TMEM163: variants seen among roughly 807,000 people sequenced by gnomAD.
The protein encoded by TMEM163 is transmembrane protein 163.
In TMEM163, 17 loss-of-function variants were observed where a neutral mutation model predicts 29.3. The ratio of observed to expected loss-of-function variants is 0.58; its 90% CI spans 0.40 to 0.87. The LOEUF is 0.87. TMEM163 is among the 40% of genes least tolerant of loss of function. TMEM163 has a pLI of 0.00. For missense variants in TMEM163, 303 were observed against 381.5 expected (o/e 0.79, Z 1.71); for synonymous variants, 157 against 160.6 (o/e 0.98, Z 0.17).
At chr2:134,505,025 A>G (rs539286825) in intron 4 of TMEM163, among the ~76,000 whole-genome samples, 22 of 152,236 alleles carry the variant, frequency 1.4e-4, no homozygotes, top group Admixed American at 1.2e-3. Context: ...CCTCCCTATG[A>G]GCACATGTGC....
chr2:134,669,522 A>G (rs1403844651), intron 2 of TMEM163, among the ~76,000 whole-genome samples: 1 of 152,222 alleles, frequency 6.6e-6, no homozygotes, highest in African/African-American at 2.4e-5. Flanking sequence ...CCTGGGGCGC[A>G]GCAGATTGTT....
At chr2:134,521,181 T>G (rs1680182273) in intron 4 of TMEM163, among the ~76,000 whole-genome samples, 1 of 152,144 alleles carries the variant, frequency 6.6e-6, no homozygotes, top group African/African-American at 2.4e-5. Flanking sequence ...GTATCTTTAG[T>G]AGAGATGGGG....
At chr2:134,632,256 C>T (rs1682984480) in intron 2 of TMEM163, among the ~76,000 whole-genome samples, 1 of 152,170 alleles carries the variant, frequency 6.6e-6, no homozygotes, top group Non-Finnish European at 1.5e-5. Flanking sequence ...CAAGAAAAAC[C>T]AGAGGCCATA....
At chr2:134,596,060 G>A (rs540390409) in intron 2 of TMEM163, among the ~76,000 whole-genome samples, 27 of 152,268 alleles carry the variant, frequency 1.8e-4, no homozygotes, top group South Asian at 8.3e-4. Flanking sequence ...CATTCTGTAG[G>A]TTGCCGGTTC....
At chr2:134,618,674 T>C (rs1021850569) in intron 2 of TMEM163, among the ~76,000 whole-genome samples, 2 of 151,946 alleles carry the variant, frequency 1.3e-5, no homozygotes, top group African/African-American at 4.8e-5. Context: ...AAGTCTCTTC[T>C]AACTACAAAA....
chr2:134,476,026 G>GT (rs1051808353), intron 5 of TMEM163, among the ~76,000 whole-genome samples: 27 of 152,306 alleles, frequency 1.8e-4, no homozygotes, highest in African/African-American at 5.5e-4. Flanking sequence ...GCACACCAGT[G>GT]TTCTCAGCTG....
intron 4 of TMEM163, among the ~76,000 whole-genome samples, chr2:134,530,243 G>GA (rs1016204226): frequency 1.3e-5 from 2 of 151,876 alleles, no homozygotes; most frequent in African/African-American, 2.4e-5. Context: ...GGCAGTTAGA[G>GA]AAAAAAAATG....
rs756614844 is a variant in TMEM163 at position 134,458,021 on chromosome 2, C to G, written c.809+11G>C. 1.1e-5 allele frequency: 17 copies of G among 1,613,986 alleles called. No homozygotes were observed. The Admixed American group carries it at 2.3e-4, about 22-fold the overall frequency. ...TGCCAGGAAAGCAAACAGGAAAGCA[C>G]AAGAACCTACTTGACCCCATAGGCA... On this transcript the variant is annotated intron_variant, in intron 7 of 7. Coordinates refer to ENST00000281924, the MANE Select transcript of TMEM163 (RefSeq NM_030923.5).
intron 5 of TMEM163, among the ~76,000 whole-genome samples, chr2:134,484,778 T>C (rs1679274422): frequency 6.6e-6 from 1 of 152,060 alleles, no homozygotes; most frequent in African/African-American, 2.4e-5. Context: ...AATTTGGCAA[T>C]GGGGGAATGG....
intron 5 of TMEM163, among the ~76,000 whole-genome samples, chr2:134,470,830 T>G (rs1200930134): frequency 6.6e-6 from 1 of 152,198 alleles, no homozygotes; most frequent in Non-Finnish European, 1.5e-5. Context: ...ATGTTGACTG[T>G]TGGCATGAAC....
chr2:134,514,383 CTTT>C (rs150211429), intron 4 of TMEM163, among the ~76,000 whole-genome samples: 5,905 of 125,506 alleles, frequency 0.047, 492 homozygotes, highest in African/African-American at 0.17. Context: ...TACTGATGAT[CTTT>C]TTTTTTTTTT....
At chr2:134,522,556 GC>G (rs1299339916) in intron 4 of TMEM163, among the ~76,000 whole-genome samples, 1 of 152,184 alleles carries the variant, frequency 6.6e-6, no homozygotes, top group Non-Finnish European at 1.5e-5. Flanking sequence ...AATTAGGAGG[GC>G]ACATTTGTAA....
intron 4 of TMEM163, among the ~76,000 whole-genome samples, chr2:134,541,487 C>CAAG (rs968158437): frequency 2.0e-5 from 3 of 152,132 alleles, no homozygotes; most frequent in African/African-American, 7.2e-5. Flanking sequence ...AAAGAAATAA[C>CAAG]AAGACAGGCA....
intron 4 of TMEM163, among the ~76,000 whole-genome samples, chr2:134,521,357 A>G (rs537768784): frequency 2.0e-5 from 3 of 152,104 alleles, no homozygotes; most frequent in Non-Finnish European, 4.4e-5. Flanking sequence ...ACCAGGGTCA[A>G]TTTTGCACCC....
chr2:134,566,665 G>A (rs1177609226), intron 2 of TMEM163, among the ~76,000 whole-genome samples: 1 of 152,152 alleles, frequency 6.6e-6, no homozygotes, highest in Non-Finnish European at 1.5e-5. Flanking sequence ...GCAGCTTGGA[G>A]ATGTTTATCA....
chr2:134,458,086 A>G lies in TMEM163; in HGVS notation c.755T>C (p.Leu252Pro). 1 of 1,614,252 alleles carries G rather than the reference A, an allele frequency of 6.2e-7. No homozygotes were observed. The highest frequency in any genetic ancestry group is 8.5e-7 in the Non-Finnish European group (1 of 1,180,042). ...VFKHDSAVWY[L>P]DGSIGVLIGL... is the part of the protein sequence containing the mutation. ...GATCAGAACGCCTATGCTGCCGTCC[A>G]GGTACCAGACCGCCGAGTCATGCTT... The change falls in exon 7 of 8, where the codon CTG becomes CCG. Residue 252 changes from leucine (L) to proline (P), a missense_variant. Around this residue, in one of 2 missense-constraint regions of TMEM163, gnomAD observed 203 missense variants for 294.3 expected, o/e 0.69. Coordinates refer to ENST00000281924, the MANE Select transcript of TMEM163 (RefSeq NM_030923.5).
intron 5 of TMEM163, among the ~76,000 whole-genome samples, chr2:134,484,599 G>A (rs1035071190): frequency 2.6e-5 from 4 of 152,186 alleles, no homozygotes; most frequent in East Asian, 1.9e-4. Flanking sequence ...TGTAACTGAC[G>A]TATATATCCA....
intron 4 of TMEM163, among the ~76,000 whole-genome samples, chr2:134,507,969 T>G (rs1459405352): frequency 2.0e-5 from 3 of 152,050 alleles, no homozygotes; most frequent in Non-Finnish European, 4.4e-5. Flanking sequence ...AAGCCTCCTT[T>G]TTTTTTCTAT....
At chr2:134,621,956 C>T (rs1682747267) in intron 2 of TMEM163, among the ~76,000 whole-genome samples, 1 of 152,010 alleles carries the variant, frequency 6.6e-6, no homozygotes, top group Non-Finnish European at 1.5e-5. Context: ...CAATGGAGTA[C>T]TATTCAATAA....
Sources: gnomAD v4.1 joint callset for allele counts (sites outside exome capture counted in the v4.1 genomes callset) on GRCh38, gnomAD v4.1.1 for gene constraint, gnomAD v4.1.1 regional missense constraint, MANE v1.5 for transcripts, NCBI Gene and HGNC (gene_info 2026-07-23, HGNC 2026-07-21) for gene names.